TMC1: variants seen among roughly 807,000 people sequenced by gnomAD.
TMC1 encodes transmembrane channel-like protein 1.
TMC1 carries 84 observed loss-of-function variants against 105.8 expected under a neutral mutation model. That is an observed-to-expected ratio of 0.79 (90% CI 0.67 to 0.95). TMC1 has a LOEUF of 0.95. Ranked by LOEUF, TMC1 falls within the 40% of genes least tolerant of loss-of-function variation. The pLI is 0.00. For missense variants in TMC1, 817 were observed against 914.1 expected (o/e 0.89, Z 1.37); for synonymous variants, 315 against 311.5 (o/e 1.01, Z -0.12).
chr9:72,748,017 A>T (rs1349969054), intron 10 of TMC1, among the ~76,000 whole-genome samples: 1 of 152,250 alleles, frequency 6.6e-6, no homozygotes, highest in African/African-American at 2.4e-5. Context: ...TAGCTGATTG[A>T]TGGATATTAT....
At chr9:72,544,771 C>T (rs1823736847) in intron 1 of TMC1, among the ~76,000 whole-genome samples, 1 of 140,014 alleles carries the variant, frequency 7.1e-6, no homozygotes, top group South Asian at 2.4e-4. Flanking sequence ...TGAGCCAGCG[C>T]TCCCAGCCTT....
At chr9:72,727,005 C>T (rs1459408607) in intron 8 of TMC1, among the ~76,000 whole-genome samples, 3 of 152,190 alleles carry the variant, frequency 2.0e-5, no homozygotes, top group Non-Finnish European at 4.4e-5. Context: ...GCAAAATTAG[C>T]ACAGTCTGTC....
chr9:72,639,753 A>G (rs1257092529), intron 4 of TMC1, among the ~76,000 whole-genome samples: 2 of 152,230 alleles, frequency 1.3e-5, no homozygotes, highest in Non-Finnish European at 2.9e-5. Context: ...TTTCTTAATT[A>G]AATAAGAAGG....
intron 12 of TMC1, among the ~76,000 whole-genome samples, chr9:72,759,184 T>C (rs1306727223): frequency 6.6e-6 from 1 of 152,018 alleles, no homozygotes; most frequent in African/African-American, 2.4e-5. Context: ...TGTGATGAGA[T>C]TGGTTTTGAG....
At chr9:72,616,038 G>A (rs985943691) in intron 2 of TMC1, among the ~76,000 whole-genome samples, 5 of 152,088 alleles carry the variant, frequency 3.3e-5, no homozygotes, top group Admixed American at 6.6e-5. Context: ...GTGAGCCACC[G>A]TGCCCGCTAT....
At chr9:72,531,654 T>C (rs915043706) in intron 1 of TMC1, among the ~76,000 whole-genome samples, 19 of 152,198 alleles carry the variant, frequency 1.2e-4, no homozygotes, top group Admixed American at 1.2e-3. Flanking sequence ...AGAGGAACAG[T>C]TTACTGTTAA....
intron 1 of TMC1, among the ~76,000 whole-genome samples, chr9:72,540,656 C>G (rs1174205939): frequency 6.6e-6 from 1 of 152,082 alleles, no homozygotes; most frequent in East Asian, 1.9e-4. Flanking sequence ...ATTTTTGTCC[C>G]TAGTCATGAT....
At chr9:72,783,645 C>T (rs61612224) in intron 13 of TMC1, among the ~76,000 whole-genome samples, 2 of 152,156 alleles carry the variant, frequency 1.3e-5, no homozygotes, top group Admixed American at 1.3e-4. Flanking sequence ...TACCAGCTAT[C>T]TAGGCATCCT....
chr9:72,758,417 G>A (rs1412226855), intron 12 of TMC1, among the ~76,000 whole-genome samples: 3 of 152,090 alleles, frequency 2.0e-5, no homozygotes, highest in Non-Finnish European at 2.9e-5. Context: ...TTAAAATATA[G>A]GAGATTTGGT....
intron 19 of TMC1, among the ~76,000 whole-genome samples, chr9:72,818,272 G>A (rs973827889): frequency 2.0e-5 from 3 of 152,138 alleles, no homozygotes; most frequent in South Asian, 2.1e-4. Context: ...TTTAGGAATC[G>A]CTGAGTAGTG....
intron 12 of TMC1, 92 bp downstream of exon 12, chr9:72,754,976 G>C: frequency 1.3e-6 from 1 of 772,350 alleles, no homozygotes; most frequent in Non-Finnish European, 2.1e-6. Flanking sequence ...TCCTGGGTCA[G>C]GCTGAATGTC....
chr9:72,609,029 C>T (rs1438367497), intron 2 of TMC1, among the ~76,000 whole-genome samples: 2 of 152,162 alleles, frequency 1.3e-5, no homozygotes, highest in South Asian at 2.1e-4. Context: ...TGATCTTTCT[C>T]ATCTGCTAAT....
intron 5 of TMC1, among the ~76,000 whole-genome samples, chr9:72,661,990 G>T (rs546161774): frequency 8.3e-4 from 126 of 152,276 alleles, no homozygotes; most frequent in African/African-American, 2.9e-3. Context: ...TCGAGGGATA[G>T]TTCAGCTAGG....
chr9:72,787,660 C>T (rs1175858504), intron 13 of TMC1, among the ~76,000 whole-genome samples: 1 of 142,330 alleles, frequency 7.0e-6, no homozygotes, highest in Admixed American at 6.9e-5. Context: ...TATATATATA[C>T]ACACATATAT....
chr9:72,783,005 T>C (rs538392173), intron 13 of TMC1, among the ~76,000 whole-genome samples: 4 of 151,928 alleles, frequency 2.6e-5, no homozygotes, highest in African/African-American at 9.7e-5. Context: ...TTAAAAAAAA[T>C]TTAAAAAGCT....
intron 1 of TMC1, among the ~76,000 whole-genome samples, chr9:72,575,099 G>C (rs1392434669): frequency 6.6e-6 from 1 of 152,142 alleles, no homozygotes; most frequent in Non-Finnish European, 1.5e-5. Context: ...TACTTATATA[G>C]AGACAAATAA....
intron 5 of TMC1, among the ~76,000 whole-genome samples, chr9:72,660,985 C>A (rs928504498): frequency 4.6e-5 from 7 of 151,982 alleles, no homozygotes; most frequent in African/African-American, 7.3e-5. Context: ...CCTGTCTCTA[C>A]CAGAAAAATA....
At chr9:72,822,545 T>A (rs1828892520) in intron 20 of TMC1, among the ~76,000 whole-genome samples, 1 of 151,480 alleles carries the variant, frequency 6.6e-6, no homozygotes, top group South Asian at 2.1e-4. Context: ...TGTGTGTGTG[T>A]GTGTGTGTGT....
intron 18 of TMC1, among the ~76,000 whole-genome samples, chr9:72,814,662 C>T (rs1828753910): frequency 6.6e-6 from 1 of 152,140 alleles, no homozygotes; most frequent in South Asian, 2.1e-4. Flanking sequence ...TCTTCTTTCC[C>T]TGAATCTGTT....
Sources: gnomAD v4.1 joint callset for allele counts (sites outside exome capture counted in the v4.1 genomes callset) on GRCh38, gnomAD v4.1.1 for gene constraint, MANE v1.5 for transcripts, NCBI Gene and HGNC (gene_info 2026-07-23, HGNC 2026-07-21) for gene names.